TMEM269: variants seen among roughly 807,000 people sequenced by gnomAD.
TMEM269 encodes the protein transmembrane protein 269.
Under a neutral mutation model 15.8 loss-of-function variants are expected in TMEM269, and 12 were observed. The observed-to-expected ratio is 0.76, with a 90% CI of 0.49 to 1.23. TMEM269 has a LOEUF of 1.23. TMEM269 is among the 50% of genes most tolerant of loss of function. The probability of loss-of-function intolerance (pLI) is 0.00; values close to 1 mark genes in which losing one functional copy is unlikely to be tolerated. For missense variants in TMEM269, 211 were observed against 245.4 expected (o/e 0.86, Z 0.94); for synonymous variants, 93 against 99.3 (o/e 0.94, Z 0.38).
At position 42,797,047 on chromosome 1, in the gene TMEM269, C is replaced by T. The variant is rs960358463; in HGVS notation, c.485-1051C>T. On this transcript the variant is annotated intron_variant, in intron 5 of 5. Coordinates refer to ENST00000637012, the MANE Select transcript of TMEM269 (RefSeq NM_001354602.2). The surrounding 1 kb of genome is among the most constrained non-coding windows in gnomAD (Gnocchi z 4.9). ...TATGAAAAACAGACTTAGTTCTAAACCACGGGATTATTGTGAAGTGTAAAT... is the reference window on the plus strand; with the variant it reads ...TATGAAAAACAGACTTAGTTCTAAATCACGGGATTATTGTGAAGTGTAAAT... 3.3e-5 allele frequency among the ~76,000 whole-genome samples: 5 copies of T among 152,040 alleles called. No individual in the cohort carries two copies. Among genetic ancestry groups the T allele is most frequent in the South Asian group, 4.1e-4 (2 of 4,828 alleles).
At chr1:42,792,353 CTATT>C (rs1653708364) in intron 2 of TMEM269, among the ~76,000 whole-genome samples, 1 of 152,170 alleles carries the variant, frequency 6.6e-6, no homozygotes, top group South Asian at 2.1e-4. Context: ...AGGTTTGTAT[CTATT>C]AAACAAATCA....
intron 5 of TMEM269, among the ~76,000 whole-genome samples, chr1:42,794,948 G>GCA (rs1319874396): frequency 6.6e-6 from 1 of 152,132 alleles, no homozygotes. Flanking sequence ...AAATCAAATT[G>GCA]GTAAACTAGG....
chr1:42,796,461 GGTC>G (rs1223446898), intron 5 of TMEM269: 1 of 152,134 alleles, frequency 6.6e-6, no homozygotes, highest in African/African-American at 2.4e-5. Context: ...CTTAGACTGA[GGTC>G]CCTTCTACCC....
Position 42,798,320 on chromosome 1 carries a change from T to C in TMEM269, c.*95T>C. The C allele has an allele frequency of 4.8e-6, 7 of 1,462,294 alleles. No homozygotes were observed. The highest frequency in any genetic ancestry group is 4.6e-6 in the Non-Finnish European group (5 of 1,089,356). 90.6% of individuals were successfully genotyped at this position (1,462,294 alleles called of 1,614,324 possible). A position where few individuals can be genotyped will look rare whatever the true frequency, so the allele number is the denominator to read the frequency against. ...TGCACTAAAGCTTTGTATGTACCTG[T>C]GTTGCCATATACTAGATATATGGTA... On this transcript the variant is annotated 3_prime_UTR_variant, in exon 6 of 6. Transcript: ENST00000637012.
At chr1:42,789,601 G>C in intron 1 of TMEM269, 195 bp from the exon 2 acceptor site, 1 of 1,157,344 alleles carries the variant, frequency 8.6e-7, no homozygotes, top group Non-Finnish European at 1.2e-6. Flanking sequence ...TTCCCAAGAC[G>C]CTGGATCCTC....
In TMEM269 at chr1:42,793,633, A is replaced by G; in HGVS notation, c.172A>G (p.Thr58Ala). ...GCTGAATGACTTTGCCGTCTTCACC[A>G]CCTTCGGCTTGGCCTCCGCTCTGCT... ...AELNDFAVFT[T>A]FGLASALLLG... Residue 58 changes from threonine (T) to alanine (A), a missense_variant, in exon 4 of 6, where the codon ACC becomes GCC. By Grantham distance (58) the Thr-to-Ala change is moderately conservative. Coordinates refer to ENST00000637012, the MANE Select transcript of TMEM269 (RefSeq NM_001354602.2). The G allele has an allele frequency of 6.5e-7, 1 of 1,550,176 alleles. No homozygotes were observed. Among genetic ancestry groups the G allele is most frequent in the Non-Finnish European group, 8.7e-7 (1 of 1,146,842 alleles).
At chr1:42,791,161 C>T (rs1447710924) in intron 2 of TMEM269, among the ~76,000 whole-genome samples, 4 of 152,114 alleles carry the variant, frequency 2.6e-5, no homozygotes. Context: ...AGATTTCCAC[C>T]CCCTCTATCA....
In TMEM269 at chr1:42,794,470, C is replaced by T. The variant is rs1653756783; in HGVS notation, c.341C>T (p.Ser114Phe). 1 of 1,550,652 alleles carries T rather than the reference C, an allele frequency of 6.4e-7. No homozygotes were observed. Residue 114 changes from serine to phenylalanine, a missense_variant, in exon 5 of 6, where the codon TCC (serine) becomes TTC (phenylalanine). Physicochemically the swap from Ser to Phe is radical, Grantham distance 155. Transcript: ENST00000637012. ...PCPYASCILA[S>F]TSLLTKGNRF... ...CCCTATGCTTCCTGCATCTTGGCTT[C>T]CACCTCCCTTCTGACCAAAGGCAAC...
chr1:42,793,432 C>G (rs970649495), intron 3 of TMEM269, among the ~76,000 whole-genome samples, 169 bp from the exon 4 acceptor site: 11 of 152,152 alleles, frequency 7.2e-5, no homozygotes, highest in African/African-American at 2.7e-4. Flanking sequence ...CAAGGCAGAG[C>G]CAGGAGGAGA....
chr1:42,799,109 G>A lies in TMEM269; in HGVS notation c.*884G>A, dbSNP rs1364448865. The A allele has an allele frequency of 6.6e-6, 1 of 151,822 alleles. No individual in the cohort carries two copies. Among genetic ancestry groups the A allele is most frequent in the Non-Finnish European group, 1.5e-5 (1 of 67,960 alleles). The allele number at this position is 151,822 out of a possible 1,614,324, so 9.4% of individuals were successfully genotyped here. On this transcript the variant is annotated 3_prime_UTR_variant, in exon 6 of 6. Transcript: ENST00000637012. ...CTTTGTTTAGCAGTTAGATACATTGGTGACACAGGGCATCATCTGGCTTGC... is the reference window on the plus strand; with the variant it reads ...CTTTGTTTAGCAGTTAGATACATTGATGACACAGGGCATCATCTGGCTTGC...
intron 2 of TMEM269, among the ~76,000 whole-genome samples, chr1:42,791,809 C>T (rs144087716): frequency 0.011 from 1,610 of 152,278 alleles, 30 homozygotes; most frequent in African/African-American, 0.037. Context: ...CGAGACCAGC[C>T]TGGCCAACAT....
chr1:42,790,271 C>T (rs1278673266), intron 2 of TMEM269, among the ~76,000 whole-genome samples: 6 of 152,054 alleles, frequency 3.9e-5, no homozygotes, highest in East Asian at 3.8e-4. Flanking sequence ...CTGGGAGGTC[C>T]GAGACATTAT....
chr1:42,787,022 A>G (rs1653554280), intron 1 of TMEM269, among the ~76,000 whole-genome samples: 1 of 152,200 alleles, frequency 6.6e-6, no homozygotes, highest in Non-Finnish European at 1.5e-5. Context: ...ATAAGGTACC[A>G]CTATGAATAG....
chr1:42,794,336 A>T (rs1488096037), intron 4 of TMEM269, 77 bp from the exon 5 acceptor site: 1 of 1,136,160 alleles, frequency 8.8e-7, no homozygotes, highest in Non-Finnish European at 1.3e-6. Flanking sequence ...GGAATACCCA[A>T]AGAGAGAGGG....
intron 2 of TMEM269, among the ~76,000 whole-genome samples, chr1:42,791,477 A>T (rs996151910): frequency 6.6e-6 from 1 of 152,234 alleles, no homozygotes; most frequent in Non-Finnish European, 1.5e-5. Flanking sequence ...CGTGGATAAA[A>T]GAAGAAGTCT....
At position 42,798,233 on chromosome 1, in the gene TMEM269, A is replaced by G; in HGVS notation, c.*8A>G. 6.5e-7 allele frequency: 1 copy of G among 1,544,402 alleles called. No individual in the cohort carries two copies. The highest frequency in any genetic ancestry group is 8.7e-7 in the Non-Finnish European group (1 of 1,146,948). The stretch of plus-strand genomic sequence containing the variant: ...CTTTCGCCACAGCACTGAGGAAGCT[A>G]AGCAGCTCTACCAGCTCCTGCCGGC... On this transcript the variant is annotated 3_prime_UTR_variant, in exon 6 of 6. Transcript: ENST00000637012.
intron 5 of TMEM269, among the ~76,000 whole-genome samples, chr1:42,795,967 G>A (rs1003074603): frequency 2.0e-5 from 3 of 152,180 alleles, no homozygotes; most frequent in African/African-American, 7.2e-5. Context: ...GAATGGTGGT[G>A]AGAAGCTTCT....
intron 2 of TMEM269, among the ~76,000 whole-genome samples, chr1:42,791,736 A>T (rs1379135866): frequency 4.6e-5 from 7 of 152,218 alleles, no homozygotes; most frequent in African/African-American, 1.7e-4. Flanking sequence ...GCGCAGTGGC[A>T]CATGCCTGTA....
Position 42,798,471 on chromosome 1 carries a change from C to A in TMEM269, c.*246C>A, listed in dbSNP as rs1321724121. On this transcript the variant is annotated 3_prime_UTR_variant, in exon 6 of 6. Transcript: ENST00000637012. ...ATGTCATGTAGAGCAGAATATCCCC[C>A]CGCCTCAAGCTCAATGTGGGCTGGG... The A allele has an allele frequency of 6.5e-5, 30 of 459,106 alleles. No individual in the cohort carries two copies. The highest frequency in any genetic ancestry group is 6.3e-4 in the Middle Eastern group (1 of 1,596). 28.4% of individuals were successfully genotyped at this position (459,106 alleles called of 1,614,324 possible).
Sources: allele counts gnomAD v4.1 joint callset (sites outside exome capture counted in the v4.1 genomes callset), GRCh38; gene constraint gnomAD v4.1.1; non-coding constraint Gnocchi (gnomAD v3.1); transcripts MANE v1.5; gene names NCBI Gene and HGNC (gene_info 2026-07-23, HGNC 2026-07-21).